The following ASTN1 variants were observed in gnomAD, a reference collection of about 807,000 sequenced individuals.
ASTN1 encodes the protein astrotactin 1.
Under a neutral mutation model 140.7 loss-of-function variants are expected in ASTN1, and 41 were observed. The ratio of observed to expected loss-of-function variants is 0.29; its 90% confidence interval spans 0.23 to 0.38. The LOEUF is 0.38. Among genes scored for constraint, ASTN1 ranks in the 10% least tolerant of loss-of-function variants. The pLI, the probability that ASTN1 is intolerant of heterozygous loss-of-function variation, is 1.00. For synonymous variants in ASTN1, 640 were observed against 652.2 expected (o/e 0.98, Z 0.29); for missense variants, 1,479 against 1,678.8 (o/e 0.88, Z 2.08).
intron 2 of ASTN1, among the ~76,000 whole-genome samples, chr1:177,055,903 A>T (rs1270433788): frequency 6.6e-6 from 1 of 152,202 alleles, no homozygotes; most frequent in Non-Finnish European, 1.5e-5. Flanking sequence ...CAAAAAAGAC[A>T]TCTAGCCCTC....
At chr1:176,909,884 C>T (rs1410236984) in intron 16 of ASTN1, among the ~76,000 whole-genome samples, 1 of 152,198 alleles carries the variant, frequency 6.6e-6, no homozygotes, top group Non-Finnish European at 1.5e-5. Context: ...CACTCAGCTA[C>T]ATTATGTCAT....
intron 7 of ASTN1, among the ~76,000 whole-genome samples, chr1:177,019,868 T>C (rs1014678023): frequency 6.6e-6 from 1 of 152,184 alleles, no homozygotes; most frequent in Non-Finnish European, 1.5e-5. Context: ...TTTCTATTTT[T>C]GTATTGTCTT....
chr1:177,058,441 G>A lies in ASTN1; in HGVS notation c.471+2637C>T, dbSNP rs886913723. Among the ~76,000 whole-genome samples the A allele has an allele frequency of 3.3e-5, 5 of 152,072 alleles. No homozygotes were observed. In the South Asian group the frequency reaches 6.2e-4, roughly 19 times the overall value. ...AGGAATAATCTCTTCCATTTTATTT[G>A]AAAAATAAAATGTCATAGTGGTCTG... On this transcript the variant is annotated intron_variant, in intron 2 of 22. Coordinates refer to ENST00000361833, the MANE Select transcript of ASTN1 (RefSeq NM_004319.3).
chr1:176,878,626 T>G (rs973477470), intron 20 of ASTN1, among the ~76,000 whole-genome samples: 1 of 152,088 alleles, frequency 6.6e-6, no homozygotes, highest in African/African-American at 2.4e-5. Context: ...ACCAGCCCCG[T>G]GTAGAACTAG....
intron 16 of ASTN1, 108 bp from the exon 17 acceptor site, chr1:176,894,938 C>G: frequency 6.9e-7 from 1 of 1,439,302 alleles, no homozygotes; most frequent in Admixed American, 1.8e-5. Flanking sequence ...TCAGAAACAG[C>G]CACTGAAGGG....
chr1:176,880,633 A>C (rs1668757191), intron 20 of ASTN1, among the ~76,000 whole-genome samples: 1 of 152,206 alleles, frequency 6.6e-6, no homozygotes. Flanking sequence ...GCATTAAATA[A>C]AATATAAAAA....
chr1:177,017,272 A>G (rs1333884369), intron 7 of ASTN1, among the ~76,000 whole-genome samples: 1 of 152,224 alleles, frequency 6.6e-6, no homozygotes, highest in Non-Finnish European at 1.5e-5. Flanking sequence ...GATGCAGCCC[A>G]AAGTCCAAGA....
chr1:176,932,431 G>C (rs137923141), intron 16 of ASTN1, among the ~76,000 whole-genome samples: 248 of 152,262 alleles, frequency 1.6e-3, no homozygotes, highest in African/African-American at 5.6e-3. Flanking sequence ...AAAGGAAATT[G>C]ATAACTAAGG....
At chr1:176,987,346 T>C (rs1673953286) in intron 8 of ASTN1, among the ~76,000 whole-genome samples, 1 of 152,200 alleles carries the variant, frequency 6.6e-6, no homozygotes, top group African/African-American at 2.4e-5. Flanking sequence ...CCAATAGAAC[T>C]TTATTTACAA....
rs1430442766 is a variant in ASTN1, at chr1:176,960,708, GT to G, written c.1599-2227del. Among the ~76,000 whole-genome samples, 4 of 152,106 alleles carry G rather than the reference GT, an allele frequency of 2.6e-5. No homozygotes were observed. The East Asian group carries it at 7.7e-4, about 29-fold the overall frequency. On this transcript the variant is annotated intron_variant, in intron 9 of 22. Transcript: ENST00000361833. ...TGCTTCTTTTTTCACCAAACCCTGGGTCACCCTCTGCCCTTACAATGAGACC... is the reference window on the plus strand; with the variant it reads ...TGCTTCTTTTTTCACCAAACCCTGGGCACCCTCTGCCCTTACAATGAGACC...
intron 16 of ASTN1, among the ~76,000 whole-genome samples, chr1:176,922,381 G>T (rs1350433166): frequency 6.6e-6 from 1 of 152,038 alleles, no homozygotes; most frequent in East Asian, 1.9e-4. Context: ...CACCTCTGGA[G>T]GATGTGCCTG....
At chr1:176,892,276 G>A (rs1055903679) in intron 17 of ASTN1, among the ~76,000 whole-genome samples, 52 of 152,158 alleles carry the variant, frequency 3.4e-4, no homozygotes, top group African/African-American at 1.2e-3. Flanking sequence ...ATATAATTCT[G>A]GGTGGTCTGT....
At chr1:177,002,965 T>C (rs1410771593) in intron 8 of ASTN1, among the ~76,000 whole-genome samples, 4 of 150,780 alleles carry the variant, frequency 2.7e-5, no homozygotes, top group African/African-American at 7.3e-5. Context: ...GTGAGATTAA[T>C]CGGTAATAAA....
At position 177,014,910 on chromosome 1, in the gene ASTN1, A is replaced by G. The variant is rs373438994; in HGVS notation, c.1439-35T>C. On this transcript the variant is annotated intron_variant, in intron 7 of 22. Coordinates refer to ENST00000361833, the MANE Select transcript of ASTN1 (RefSeq NM_004319.3). ...AGGGTAAGGAGGAAGAAAGAGAAAC[A>G]TGAAGGAATTGATTAACATGTCTGT... The G allele has an allele frequency of 6.4e-6, 10 of 1,555,682 alleles. No individual in the cohort carries two copies. The African/African-American group carries it at 1.4e-4, about 21-fold the overall frequency.
At chr1:177,162,065 G>A (rs1004384655) in intron 1 of ASTN1, among the ~76,000 whole-genome samples, 3 of 152,098 alleles carry the variant, frequency 2.0e-5, no homozygotes, top group Non-Finnish European at 2.9e-5. Context: ...TCCAGGAGAT[G>A]GATTAAGTAA....
chr1:177,058,824 A>C (rs973809122), intron 2 of ASTN1, among the ~76,000 whole-genome samples: 2 of 150,168 alleles, frequency 1.3e-5, no homozygotes, highest in African/African-American at 4.9e-5. Context: ...AACATACACA[A>C]ACAAACACAC....
chr1:176,976,395 G>C (rs1414727219), intron 8 of ASTN1: 1 of 152,156 alleles, frequency 6.6e-6, no homozygotes, highest in Non-Finnish European at 1.5e-5. Context: ...CACCCTGCTA[G>C]CAGCTGCTGC....
At chr1:177,101,139 T>G (rs1680283204) in intron 1 of ASTN1, among the ~76,000 whole-genome samples, 1 of 152,120 alleles carries the variant, frequency 6.6e-6, no homozygotes, top group African/African-American at 2.4e-5. Flanking sequence ...TTTGGAGCAC[T>G]GTTTGGCAGC....
rs188983605 is a variant in ASTN1 at position 177,118,810 on chromosome 1, C to T, written c.283+45584G>A. Among the ~76,000 whole-genome samples, 226 of 152,292 alleles carry T rather than the reference C, an allele frequency of 1.5e-3. 1 individual carries two copies. The highest frequency in any genetic ancestry group is 5.2e-3 in the African/African-American group (216 of 41,564). On this transcript the variant is annotated intron_variant, in intron 1 of 22. Coordinates refer to ENST00000361833, the MANE Select transcript of ASTN1 (RefSeq NM_004319.3). ...AGGCTTGGGAAATGCTGTTGGTCCA[C>T]TACATCAACCAAAAGTGGTAATGCT...
Sources: allele counts gnomAD v4.1 joint callset (sites outside exome capture counted in the v4.1 genomes callset), GRCh38; gene constraint gnomAD v4.1.1; transcripts MANE v1.5; gene names NCBI Gene and HGNC (gene_info 2026-07-23, HGNC 2026-07-21).